The following PRKN variants were observed in gnomAD, a reference collection of about 807,000 sequenced individuals.
PRKN encodes the protein E3 ubiquitin-protein ligase parkin.
Under a neutral mutation model 59.5 loss-of-function variants are expected in PRKN, and 56 were observed. The observed-to-expected ratio is 0.94, with a 90% CI of 0.76 to 1.18. The LOEUF is 1.18. PRKN is among the 50% of genes most tolerant of loss of function. The probability of loss-of-function intolerance (pLI) is 0.00; values close to 1 mark genes in which losing one functional copy is unlikely to be tolerated. For synonymous variants in PRKN, 250 were observed against 222.1 expected (o/e 1.13, Z -1.12); for missense variants, 657 against 596.4 (o/e 1.10, Z -1.06).
intron 2 of PRKN, among the ~76,000 whole-genome samples, chr6:162,308,976 T>A (rs1244521196): frequency 6.6e-6 from 1 of 152,010 alleles, no homozygotes; most frequent in Middle Eastern, 3.4e-3. Context: ...GAAATAAACA[T>A]AAAAAAATGG....
At chr6:162,415,812 T>A (rs547254346) in intron 2 of PRKN, among the ~76,000 whole-genome samples, 79 of 150,496 alleles carry the variant, frequency 5.2e-4, no homozygotes, top group African/African-American at 1.8e-3. Context: ...TGAGACTGTC[T>A]CAAAAAAAGT....
intron 5 of PRKN, among the ~76,000 whole-genome samples, chr6:161,984,450 G>T (rs1269010339): frequency 6.6e-6 from 1 of 152,042 alleles, no homozygotes; most frequent in Non-Finnish European, 1.5e-5. Flanking sequence ...TAGAGATGGG[G>T]TTTTGCCATG....
intron 2 of PRKN, among the ~76,000 whole-genome samples, chr6:162,366,111 G>A (rs1029512966): frequency 6.6e-6 from 1 of 152,110 alleles, no homozygotes; most frequent in African/African-American, 2.4e-5. Context: ...TTATGGCAAC[G>A]GCCCTTTTCC....
chr6:162,220,709 T>C (rs548634739), intron 3 of PRKN, among the ~76,000 whole-genome samples: 1 of 152,132 alleles, frequency 6.6e-6, no homozygotes, highest in Non-Finnish European at 1.5e-5. Context: ...GAACTCCACA[T>C]GGACACAGAA....
intron 6 of PRKN, among the ~76,000 whole-genome samples, chr6:161,933,703 A>G (rs1779250210): frequency 6.6e-6 from 1 of 151,424 alleles, no homozygotes. Flanking sequence ...AGAAGTCTTC[A>G]GACCACACTT....
chr6:161,426,377 C>T (rs556747501), intron 9 of PRKN, among the ~76,000 whole-genome samples: 1 of 152,034 alleles, frequency 6.6e-6, no homozygotes, highest in African/African-American at 2.4e-5. Flanking sequence ...GAAGGCAGAC[C>T]CACCCTTAAT....
chr6:161,940,111 G>T (rs1436359982), intron 6 of PRKN, among the ~76,000 whole-genome samples: 1 of 152,030 alleles, frequency 6.6e-6, no homozygotes, highest in Non-Finnish European at 1.5e-5. Flanking sequence ...GGTCAGGCTG[G>T]TCTCAAACTC....
chr6:162,134,242 C>A (rs1365806670), intron 4 of PRKN, among the ~76,000 whole-genome samples: 2 of 152,134 alleles, frequency 1.3e-5, no homozygotes, highest in Non-Finnish European at 2.9e-5. Context: ...AGTACATATA[C>A]AATGTCACCA....
At chr6:162,668,122 C>G (rs543012432) in intron 1 of PRKN, among the ~76,000 whole-genome samples, 3 of 152,098 alleles carry the variant, frequency 2.0e-5, no homozygotes, top group Non-Finnish European at 4.4e-5. Flanking sequence ...TAATAATTTT[C>G]CCCTGGTGTC....
At chr6:161,555,956 A>T (rs1027049235) in intron 8 of PRKN, among the ~76,000 whole-genome samples, 8 of 152,244 alleles carry the variant, frequency 5.3e-5, no homozygotes, top group Non-Finnish European at 8.8e-5. Context: ...GTTGCTCTTA[A>T]GTAATTGACT....
chr6:162,252,871 C>T (rs1779491592), intron 3 of PRKN, among the ~76,000 whole-genome samples: 1 of 152,214 alleles, frequency 6.6e-6, no homozygotes, highest in Admixed American at 6.5e-5. Context: ...TTTCAAAAAG[C>T]TTATCAATGA....
intron 9 of PRKN, among the ~76,000 whole-genome samples, chr6:161,398,857 C>G (rs1483893199): frequency 6.6e-6 from 1 of 152,100 alleles, no homozygotes; most frequent in African/African-American, 2.4e-5. Flanking sequence ...AGGTTACAGA[C>G]AGGAGACAGG....
At chr6:161,673,051 G>A (rs916381492) in intron 7 of PRKN, among the ~76,000 whole-genome samples, 4 of 152,126 alleles carry the variant, frequency 2.6e-5, no homozygotes. Flanking sequence ...ACCACACAGT[G>A]AATCCAGCCA....
At position 161,581,041 on chromosome 6, in the gene PRKN, A is replaced by AACACACAC. The variant is rs71004055; in HGVS notation, c.872-11633_872-11626dup. Reference sequence around the variant, plus strand: ...ACACAGTGAAATCCTGTCTCTACTAAACACACACACACACACACACACACA... The same window carrying AACACACAC: ...ACACAGTGAAATCCTGTCTCTACTAAACACACACACACACACACACACACACACACACA... On this transcript the variant is annotated intron_variant, in intron 7 of 11. Coordinates refer to ENST00000366898, the MANE Select transcript of PRKN (RefSeq NM_004562.3). The surrounding 1 kb of genome is among the most constrained non-coding windows in gnomAD (Gnocchi z 4.5). Among the ~76,000 whole-genome samples the AACACACAC allele has an allele frequency of 0.047, 6,423 of 137,536 alleles. 253 individuals are homozygous for AACACACAC. Among genetic ancestry groups the AACACACAC allele is most frequent in the East Asian group, 0.22 (973 of 4,414 alleles). 90.2% of individuals were successfully genotyped at this position (137,536 alleles called of 152,430 possible). A position where few individuals can be genotyped will look rare whatever the true frequency, so the allele number is the denominator to read the frequency against.
chr6:161,435,275 G>A (rs965831499), intron 9 of PRKN, among the ~76,000 whole-genome samples: 3 of 152,044 alleles, frequency 2.0e-5, no homozygotes, highest in South Asian at 2.1e-4. Context: ...CATTATAAGC[G>A]GTTACATTCC....
intron 1 of PRKN, among the ~76,000 whole-genome samples, chr6:162,614,173 C>A (rs1375715638): frequency 6.6e-6 from 1 of 152,062 alleles, no homozygotes; most frequent in Non-Finnish European, 1.5e-5. Flanking sequence ...CTAACACCTC[C>A]TAAACATGTA....
chr6:162,176,707 A>G (rs1471034094), intron 4 of PRKN, among the ~76,000 whole-genome samples: 1 of 152,180 alleles, frequency 6.6e-6, no homozygotes, highest in East Asian at 1.9e-4. Context: ...CCATAAATAA[A>G]AAACAGCAGA....
chr6:162,294,059 T>C (rs7746112), intron 2 of PRKN, among the ~76,000 whole-genome samples: 23,870 of 151,942 alleles, frequency 0.16, 3,097 homozygotes, highest in African/African-American at 0.35. Context: ...GTCAAGTCTT[T>C]AGGGCAGCAG....
In PRKN at chr6:161,444,481, T is replaced by C. The variant is rs1260129449; in HGVS notation, c.1084-57604A>G. Among the ~76,000 whole-genome samples, 4 of 152,236 alleles carry C rather than the reference T, an allele frequency of 2.6e-5. No homozygotes were observed. Among genetic ancestry groups the C allele is most frequent in the African/African-American group, 7.2e-5 (3 of 41,468 alleles). ...CATTTCCATGCATGCTTTTTCCATT[T>C]AGACTAAACTAGCGCTTGGGGTGCT... is the stretch of plus-strand genomic sequence containing the variant. On this transcript the variant is annotated intron_variant, in intron 9 of 11. Transcript: ENST00000366898. The surrounding 1 kb of genome is among the most constrained non-coding windows in gnomAD (Gnocchi z 5.6).
Sources: gnomAD v4.1 joint callset for allele counts (sites outside exome capture counted in the v4.1 genomes callset) on GRCh38, gnomAD v4.1.1 for gene constraint, Gnocchi (gnomAD v3.1) non-coding constraint, MANE v1.5 for transcripts, NCBI Gene and HGNC (gene_info 2026-07-23, HGNC 2026-07-21) for gene names.